Variants in SOX6 observed in about 807,000 individuals in gnomAD.
SOX6 encodes the protein transcription factor SOX-6.
A neutral mutation model predicts 97.8 loss-of-function variants in SOX6; 11 were observed. The observed-to-expected ratio is 0.11, with a 90% CI of 0.07 to 0.19. The LOEUF (loss-of-function observed/expected upper bound fraction) is 0.19. Among genes scored for constraint, SOX6 ranks in the 10% least tolerant of loss-of-function variants. The pLI, the probability that SOX6 is intolerant of heterozygous loss-of-function variation, is 1.00. For missense variants in SOX6, 810 were observed against 1,039.5 expected (o/e 0.78, Z 3.04); for synonymous variants, 360 against 371.4 (o/e 0.97, Z 0.35).
chr11:16,657,854 T>C (rs565374172), intron 3 of SOX6, among the ~76,000 whole-genome samples: 1 of 152,280 alleles, frequency 6.6e-6, no homozygotes, highest in East Asian at 1.9e-4. Flanking sequence ...ATTCTAAGGG[T>C]TCCTTATATG....
In SOX6 at chr11:16,117,443, A is replaced by G. The variant is rs114185506; in HGVS notation, c.778-5520T>C. On this transcript the variant is annotated intron_variant, in intron 6 of 15. Transcript: ENST00000683767. ...AATATTTCTAAATGCCATCTTCTAC[A>G]GAATGCTCATCAGTATGACCCAATG... Among the ~76,000 whole-genome samples the G allele has an allele frequency of 2.6e-3, 403 of 152,352 alleles. 1 individual carries two copies. The highest frequency in any genetic ancestry group is 9.4e-3 in the African/African-American group (392 of 41,586).
chr11:16,604,463 C>A (rs1269137661), intron 4 of SOX6, among the ~76,000 whole-genome samples: 1 of 152,212 alleles, frequency 6.6e-6, no homozygotes, highest in Admixed American at 6.5e-5. Context: ...CTCATCTCTA[C>A]TCCCCCGGGT....
chr11:16,062,652 T>G (rs1460331742), intron 9 of SOX6, among the ~76,000 whole-genome samples: 2 of 151,724 alleles, frequency 1.3e-5, no homozygotes, highest in African/African-American at 4.8e-5. Flanking sequence ...CCAAGATATA[T>G]AAAAGACCAG....
intron 2 of SOX6, among the ~76,000 whole-genome samples, chr11:16,331,824 A>G (rs1454675965): frequency 1.3e-5 from 2 of 152,172 alleles, no homozygotes; most frequent in Non-Finnish European, 1.5e-5. Context: ...GGTCCTCACA[A>G]TGTCTGGAAG....
chr11:16,522,881 A>C (rs922224216), intron 4 of SOX6, among the ~76,000 whole-genome samples: 8 of 152,222 alleles, frequency 5.3e-5, no homozygotes, highest in African/African-American at 1.9e-4. Flanking sequence ...AAAGAGACAA[A>C]GAAGGCCATT....
intron 2 of SOX6, among the ~76,000 whole-genome samples, chr11:16,735,639 C>G (rs1848385622): frequency 6.6e-6 from 1 of 152,138 alleles, no homozygotes; most frequent in Non-Finnish European, 1.5e-5. Flanking sequence ...CATTCACTAG[C>G]TACATTATTT....
chr11:16,243,652 A>G (rs1291283593), intron 3 of SOX6, among the ~76,000 whole-genome samples: 1 of 151,974 alleles, frequency 6.6e-6, no homozygotes, highest in African/African-American at 2.4e-5. Flanking sequence ...AAGTTATCTT[A>G]TGCTCCCTTT....
At chr11:16,126,294 C>T (rs192823304) in intron 6 of SOX6, among the ~76,000 whole-genome samples, 2 of 152,116 alleles carry the variant, frequency 1.3e-5, no homozygotes, top group Admixed American at 6.6e-5. Flanking sequence ...CATGACAGTT[C>T]CCCCAAATGA....
chr11:16,283,089 G>GTGTATATATATATA (rs370335142), intron 3 of SOX6, among the ~76,000 whole-genome samples: 4 of 113,696 alleles, frequency 3.5e-5, no homozygotes, highest in African/African-American at 1.0e-4. Context: ...TATATAATTT[G>GTGTATATATATATA]TATATATATA....
Position 16,605,677 on chromosome 11 carries a change from G to T in SOX6, n.609+6404C>A, listed in dbSNP as rs1392304439. Among the ~76,000 whole-genome samples the T allele has an allele frequency of 1.3e-5, 2 of 151,862 alleles. No homozygotes were observed. Among genetic ancestry groups the T allele is most frequent in the Non-Finnish European group, 2.9e-5 (2 of 67,982 alleles). On this transcript the variant is annotated intron_variant and non_coding_transcript_variant, in intron 4 of 5. Coordinates refer to the SOX6 transcript ENST00000524520. This position sits in a 1 kb window ranked among gnomAD's most constrained non-coding sequence, Gnocchi z 5.3. The stretch of plus-strand genomic sequence containing the variant: ...CGGCGGAGATCCTCGACTCCCGCCC[G>T]CCCTCAACCAGTGTCAACCCCACAA...
intron 7 of SOX6, among the ~76,000 whole-genome samples, chr11:16,107,268 C>T (rs1459637509): frequency 1.3e-5 from 2 of 151,492 alleles, no homozygotes; most frequent in African/African-American, 4.8e-5. Flanking sequence ...AAAGTGGGGA[C>T]TCTAACAAAC....
At chr11:16,132,398 GAAAAAAGAAAGAAAGAAAGA>G (rs1849806046) in intron 6 of SOX6, among the ~76,000 whole-genome samples, 1 of 48,134 alleles carries the variant, frequency 2.1e-5, no homozygotes, top group African/African-American at 9.6e-5. Flanking sequence ...AAGAAAGAAA[GAAAAAAGAAAGAAAGAAAGA>G]AAGAAAGAAA....
At chr11:16,274,881 T>A (rs765318240) in intron 3 of SOX6, among the ~76,000 whole-genome samples, 7 of 152,110 alleles carry the variant, frequency 4.6e-5, no homozygotes, top group Non-Finnish European at 8.8e-5. Flanking sequence ...CTTATTATTA[T>A]GTCATTAAGT....
intron 2 of SOX6, among the ~76,000 whole-genome samples, chr11:16,337,014 G>A (rs1856482650): frequency 6.6e-6 from 1 of 152,006 alleles, no homozygotes; most frequent in Non-Finnish European, 1.5e-5. Context: ...ATCATTGTCT[G>A]AAATTGTCTC....
At chr11:16,043,437 C>T (rs1181843982) in intron 12 of SOX6, among the ~76,000 whole-genome samples, 2 of 152,116 alleles carry the variant, frequency 1.3e-5, no homozygotes, top group South Asian at 2.1e-4. Context: ...TACCCCGTGA[C>T]ACATCGACAC....
At chr11:15,999,052 G>T (rs1854320606) in intron 13 of SOX6, among the ~76,000 whole-genome samples, 1 of 151,806 alleles carries the variant, frequency 6.6e-6, no homozygotes, top group Non-Finnish European at 1.5e-5. Context: ...GATATATAAA[G>T]AATGACCAAA....
intron 3 of SOX6, among the ~76,000 whole-genome samples, chr11:16,622,236 CATAAGT>C (rs1848554537): frequency 6.6e-6 from 1 of 152,114 alleles, no homozygotes; most frequent in Admixed American, 6.5e-5. Flanking sequence ...ATAATGTGCT[CATAAGT>C]ATATTTTAAG....
At chr11:16,557,231 A>C (rs926471009) in intron 4 of SOX6, among the ~76,000 whole-genome samples, 1 of 151,868 alleles carries the variant, frequency 6.6e-6, no homozygotes, top group East Asian at 1.9e-4. Context: ...ATGAAGTGTA[A>C]AGATGGACAA....
chr11:16,354,525 G>A (rs1857027059), intron 1 of SOX6, among the ~76,000 whole-genome samples: 2 of 151,968 alleles, frequency 1.3e-5, no homozygotes, highest in South Asian at 4.1e-4. Flanking sequence ...ATGGACAGGA[G>A]GGAATCACTT....
Sources: gnomAD v4.1 joint callset for allele counts (sites outside exome capture counted in the v4.1 genomes callset) on GRCh38, gnomAD v4.1.1 for gene constraint, Gnocchi (gnomAD v3.1) non-coding constraint, MANE v1.5 for transcripts, NCBI Gene and HGNC (gene_info 2026-07-23, HGNC 2026-07-21) for gene names.